Variants in COL6A6 observed in about 807,000 individuals in gnomAD.
COL6A6 encodes the protein collagen alpha-6(VI) chain.
In COL6A6, 183 loss-of-function variants were observed where a neutral mutation model predicts 208.6. That is an observed-to-expected ratio of 0.88 (90% CI 0.78 to 0.99). COL6A6 has a LOEUF of 0.99. COL6A6 is among the 50% of genes least tolerant of loss of function. COL6A6 has a pLI of 0.00. For missense variants in COL6A6, 2,816 were observed against 2,815.2 expected (o/e 1.00, Z -0.01); for synonymous variants, 973 against 1,011.8 (o/e 0.96, Z 0.73).
chr3:130,543,371 A>G (rs2062419293), intron 1 of COL6A6, among the ~76,000 whole-genome samples: 1 of 152,158 alleles, frequency 6.6e-6, no homozygotes, highest in Admixed American at 6.5e-5. Flanking sequence ...AATAACTACC[A>G]TATTTGTTAC....
At position 130,520,081 on chromosome 3, in the gene COL6A6, A is replaced by T. The variant is rs761860626; in HGVS notation, c.-32+2684A>T. ...ATTGTGGCTGTTTTGCTTTTACTAC[A>T]AATTTCTTCATATCTTAGGCTTTAG... On this transcript the variant is annotated intron_variant, in intron 1 of 36. Transcript: ENST00000358511. Among the ~76,000 whole-genome samples, 70 of 152,142 alleles carry T rather than the reference A, an allele frequency of 4.6e-4. 1 individual carries two copies. Among genetic ancestry groups the T allele is most frequent in the Non-Finnish European group, 9.1e-4 (62 of 68,018 alleles).
At chr3:130,541,861 G>A (rs2062371231) in intron 1 of COL6A6, among the ~76,000 whole-genome samples, 1 of 152,168 alleles carries the variant, frequency 6.6e-6, no homozygotes, top group South Asian at 2.1e-4. Context: ...AGCCTGTTCA[G>A]GTTGTATATT....
chr3:130,551,500 G>A (rs1423157479), intron 1 of COL6A6, among the ~76,000 whole-genome samples: 1 of 152,068 alleles, frequency 6.6e-6, no homozygotes, highest in Non-Finnish European at 1.5e-5. Context: ...TATGGGGTTA[G>A]TGGTAATGCC....
rs774081404 is a variant in COL6A6, at chr3:130,568,452, T to TA, written c.2251dup (p.Ile751AsnfsTer16). 1 of 1,613,972 alleles carries TA rather than the reference T, an allele frequency of 6.2e-7. No homozygotes were observed. The highest frequency in any genetic ancestry group is 8.5e-7 in the Non-Finnish European group (1 of 1,179,886). ...GCAGTAGTGCTTCGGCAAGAAGGTG[T>TA]AATCATCTATTCTGTGGGAGTGTTT... On this transcript the variant is annotated frameshift_variant, in exon 6 of 37. Coordinates refer to ENST00000358511, the MANE Select transcript of COL6A6 (RefSeq NM_001102608.3). LOFTEE classifies it high-confidence loss of function.
chr3:130,560,802 C>T (rs1195370677), intron 2 of COL6A6, among the ~76,000 whole-genome samples: 2 of 152,154 alleles, frequency 1.3e-5, no homozygotes, highest in Non-Finnish European at 2.9e-5. Context: ...CAGATTTGCT[C>T]CAGATTAAAT....
At chr3:130,614,875 C>T (rs1174982030) in intron 23 of COL6A6, among the ~76,000 whole-genome samples, 2 of 151,786 alleles carry the variant, frequency 1.3e-5, no homozygotes, top group Non-Finnish European at 2.9e-5. Context: ...TTTCATTTCT[C>T]ATTGTGTTTA....
chr3:130,538,746 G>A (rs1041034559), intron 1 of COL6A6, among the ~76,000 whole-genome samples: 1 of 152,126 alleles, frequency 6.6e-6, no homozygotes, highest in Non-Finnish European at 1.5e-5. Context: ...TATAATTGGA[G>A]TGTGAGCTCA....
intron 21 of COL6A6, 98 bp from the exon 22 acceptor site, chr3:130,608,801 TGCA>T: frequency 4.8e-6 from 1 of 206,290 alleles, no homozygotes; most frequent in Non-Finnish European, 1.0e-5. Flanking sequence ...GCAAAGATCC[TGCA>T]TTGACATTGT....
At chr3:130,631,248 C>A (rs1466675648) in intron 26 of COL6A6, among the ~76,000 whole-genome samples, 1 of 100,164 alleles carries the variant, frequency 1.0e-5, no homozygotes, top group Non-Finnish European at 1.7e-5. Context: ...ATACAAACTA[C>A]CATCAGAGAA....
At chr3:130,611,101 C>A (rs1185478716) in intron 23 of COL6A6, among the ~76,000 whole-genome samples, 1 of 151,922 alleles carries the variant, frequency 6.6e-6, no homozygotes, top group African/African-American at 2.4e-5. Context: ...CCACCTAGAA[C>A]CTTCCCCAGG....
At chr3:130,626,000 G>A (rs2064874174) in intron 24 of COL6A6, among the ~76,000 whole-genome samples, 1 of 152,102 alleles carries the variant, frequency 6.6e-6, no homozygotes, top group African/African-American at 2.4e-5. Flanking sequence ...TTCCCATGTA[G>A]CTGAACTTTC....
At chr3:130,663,417 A>T (rs1346868801) in intron 35 of COL6A6, among the ~76,000 whole-genome samples, 1 of 152,096 alleles carries the variant, frequency 6.6e-6, no homozygotes, top group African/African-American at 2.4e-5. Context: ...AAACACTTGG[A>T]TGGGAACAAT....
chr3:130,571,966 G>T (rs9834792), intron 7 of COL6A6, among the ~76,000 whole-genome samples: 128,026 of 151,732 alleles, frequency 0.84, 57,019 homozygotes, highest in Non-Finnish European at 0.98. Flanking sequence ...TACAAGTGTG[G>T]GCCACTACAC....
chr3:130,536,365 G>T (rs1162364441), intron 1 of COL6A6, among the ~76,000 whole-genome samples: 2 of 152,084 alleles, frequency 1.3e-5, no homozygotes, highest in African/African-American at 4.8e-5. Flanking sequence ...AGTGGGTCAG[G>T]CACTGTTCCA....
At chr3:130,533,414 CTTTG>C (rs1372872764) in intron 1 of COL6A6, among the ~76,000 whole-genome samples, 6 of 152,056 alleles carry the variant, frequency 3.9e-5, no homozygotes, top group Admixed American at 1.3e-4. Context: ...TTTGAAAGAC[CTTTG>C]TTTGTTCCTT....
At chr3:130,581,935 A>G (rs199735096) in intron 9 of COL6A6, 31 bp downstream of exon 9, 61 of 1,592,286 alleles carry the variant, frequency 3.8e-5, no homozygotes, top group African/African-American at 3.5e-4. Flanking sequence ...TTGTTGGTCT[A>G]TGATTGCAAT....
At chr3:130,606,999 C>T in intron 21 of COL6A6, 33 bp downstream of exon 21, 1 of 1,534,112 alleles carries the variant, frequency 6.5e-7, no homozygotes, top group Non-Finnish European at 9.0e-7. Flanking sequence ...CTCCAAATAA[C>T]AAATACTGCA....
At chr3:130,603,438 C>T (rs1427308330) in intron 20 of COL6A6, among the ~76,000 whole-genome samples, 1 of 152,138 alleles carries the variant, frequency 6.6e-6, no homozygotes, top group Admixed American at 6.5e-5. Flanking sequence ...AAGCTGTTAC[C>T]AGTGCTATGC....
intron 1 of COL6A6, among the ~76,000 whole-genome samples, chr3:130,554,903 G>C (rs1289658711): frequency 2.0e-5 from 3 of 152,118 alleles, no homozygotes; most frequent in Non-Finnish European, 4.4e-5. Flanking sequence ...GGCCAGCATA[G>C]GAGCTATGAC....
Sources: allele counts gnomAD v4.1 joint callset (sites outside exome capture counted in the v4.1 genomes callset), GRCh38; gene constraint gnomAD v4.1.1; transcripts MANE v1.5; gene names NCBI Gene and HGNC (gene_info 2026-07-23, HGNC 2026-07-21).